COMMD1: variants seen among roughly 807,000 people sequenced by gnomAD.
COMMD1 encodes COMM domain-containing protein 1.
A neutral mutation model predicts 17.2 loss-of-function variants in COMMD1; 10 were observed. The ratio of observed to expected loss-of-function variants is 0.58; its 90% CI spans 0.36 to 0.99. The LOEUF is 0.99. COMMD1 is among the 50% of genes least tolerant of loss of function. The pLI is 0.01. For synonymous variants in COMMD1, 97 were observed against 91.6 expected (o/e 1.06, Z -0.34); for missense variants, 270 against 231.8 (o/e 1.17, Z -1.07).
intron 1 of COMMD1, among the ~76,000 whole-genome samples, chr2:61,934,992 C>G (rs1395696002): frequency 1.3e-5 from 2 of 152,170 alleles, no homozygotes. Flanking sequence ...AGGTTATTTC[C>G]TGGAGCAGAG....
chr2:62,110,567 G>A (rs918205433), intron 2 of COMMD1, among the ~76,000 whole-genome samples: 2 of 152,158 alleles, frequency 1.3e-5, no homozygotes, highest in African/African-American at 4.8e-5. Flanking sequence ...TCTGACAGAA[G>A]TGAAGAGTGA....
intron 2 of COMMD1, among the ~76,000 whole-genome samples, chr2:62,116,915 A>G (rs1025909086): frequency 1.3e-5 from 2 of 151,672 alleles, no homozygotes; most frequent in African/African-American, 4.9e-5. Context: ...GAATCACTTG[A>G]ACCCAGGAGG....
chr2:61,945,503 CA>C (rs983390490), intron 1 of COMMD1, among the ~76,000 whole-genome samples: 2 of 152,162 alleles, frequency 1.3e-5, no homozygotes, highest in African/African-American at 2.4e-5. Context: ...TGTCAAAGGT[CA>C]GGGGCACTTG....
At chr2:62,097,067 A>C (rs1481774798) in intron 2 of COMMD1, among the ~76,000 whole-genome samples, 1 of 152,250 alleles carries the variant, frequency 6.6e-6, no homozygotes, top group African/African-American at 2.4e-5. Context: ...TGCACTACAT[A>C]AATCAGTAAC....
intron 2 of COMMD1, among the ~76,000 whole-genome samples, chr2:62,116,126 C>T (rs960638356): frequency 1.3e-5 from 2 of 151,978 alleles, no homozygotes; most frequent in Admixed American, 6.6e-5. Flanking sequence ...GGATTACAGG[C>T]GTGAGCCACT....
At chr2:62,033,585 TA>T (rs569138796) in intron 2 of COMMD1, among the ~76,000 whole-genome samples, 3 of 148,130 alleles carry the variant, frequency 2.0e-5, no homozygotes, top group East Asian at 2.0e-4. Flanking sequence ...TCTGTAAAAT[TA>T]AAAAAAAAAT....
At chr2:61,973,456 G>A (rs1671704933) in intron 1 of COMMD1, among the ~76,000 whole-genome samples, 1 of 152,158 alleles carries the variant, frequency 6.6e-6, no homozygotes, top group Non-Finnish European at 1.5e-5. Context: ...TATAATGGAA[G>A]GGAAATGGTA....
intron 1 of COMMD1, among the ~76,000 whole-genome samples, chr2:61,969,894 TG>T: frequency 1.3e-5 from 2 of 152,072 alleles, no homozygotes; most frequent in East Asian, 3.8e-4. Flanking sequence ...TCCAGCAATA[TG>T]TTTTTTTTCT....
chr2:62,083,431 G>A (rs1324107600), intron 2 of COMMD1, among the ~76,000 whole-genome samples: 1 of 152,348 alleles, frequency 6.6e-6, no homozygotes, highest in East Asian at 1.9e-4. Context: ...TGAAGAAGAA[G>A]ATAGGAGCAA....
chr2:62,096,197 C>T (rs903665720), intron 2 of COMMD1, among the ~76,000 whole-genome samples: 1 of 152,042 alleles, frequency 6.6e-6, no homozygotes, highest in African/African-American at 2.4e-5. Context: ...TGCACCGCTG[C>T]CTAGCAGCTT....
At chr2:61,962,883 G>T (rs146592391) in intron 1 of COMMD1, among the ~76,000 whole-genome samples, 1 of 152,000 alleles carries the variant, frequency 6.6e-6, no homozygotes, top group African/African-American at 2.4e-5. Flanking sequence ...TAATTGGGCC[G>T]GGTGTGGTAG....
intron 1 of COMMD1, among the ~76,000 whole-genome samples, chr2:61,950,716 A>G (rs1671029043): frequency 6.6e-6 from 1 of 152,232 alleles, no homozygotes; most frequent in Non-Finnish European, 1.5e-5. Flanking sequence ...CACTGAAATA[A>G]TTGACCTGAT....
chr2:62,087,940 T>G (rs1218399602), intron 2 of COMMD1, among the ~76,000 whole-genome samples: 1 of 152,212 alleles, frequency 6.6e-6, no homozygotes, highest in African/African-American at 2.4e-5. Flanking sequence ...TTCCATTTAC[T>G]CCTGAGTCTC....
At chr2:62,045,730 A>ATTTTTT (rs71410917) in intron 2 of COMMD1, among the ~76,000 whole-genome samples, 48 of 84,896 alleles carry the variant, frequency 5.7e-4, no homozygotes, top group Non-Finnish European at 7.0e-4. Context: ...TTTCAAGTTA[A>ATTTTTT]TTTTTTTTTT....
At chr2:62,128,907 A>C (rs1305788571) in intron 2 of COMMD1, among the ~76,000 whole-genome samples, 1 of 151,222 alleles carries the variant, frequency 6.6e-6, no homozygotes, top group East Asian at 1.9e-4. Flanking sequence ...AGCCGAGATC[A>C]CGCCACTGCA....
At position 62,005,729 on chromosome 2, in the gene COMMD1, A is replaced by T. The variant is rs555278283; in HGVS notation, c.462+4747A>T. Among the ~76,000 whole-genome samples, 70 of 152,070 alleles carry T rather than the reference A, an allele frequency of 4.6e-4. 1 individual carries two copies. Among genetic ancestry groups the T allele is most frequent in the African/African-American group, 1.6e-3 (66 of 41,524 alleles). The stretch of plus-strand genomic sequence containing the variant: ...GGAGAGGATGTGGAGAAATAGGAAC[A>T]CTTTTACACCGTTGGTGGGACTGTA... On this transcript the variant is annotated intron_variant, in intron 2 of 2. Coordinates refer to ENST00000311832, the MANE Select transcript of COMMD1 (RefSeq NM_152516.4).
At chr2:62,021,359 A>G (rs1408331453) in intron 2 of COMMD1, among the ~76,000 whole-genome samples, 1 of 151,296 alleles carries the variant, frequency 6.6e-6, no homozygotes, top group Admixed American at 6.6e-5. Context: ...ACTTGGCAAA[A>G]TGAGAGGTCT....
chr2:62,120,319 C>A (rs958455354), intron 2 of COMMD1, among the ~76,000 whole-genome samples: 1 of 143,292 alleles, frequency 7.0e-6, no homozygotes, highest in Non-Finnish European at 1.5e-5. Flanking sequence ...TTTTTTTTTT[C>A]TTCAATTCCT....
At chr2:61,961,797 T>C (rs1671350172) in intron 1 of COMMD1, among the ~76,000 whole-genome samples, 1 of 152,194 alleles carries the variant, frequency 6.6e-6, no homozygotes, top group South Asian at 2.1e-4. Context: ...CCCTGCTGTG[T>C]TAATTTTTCA....
Sources: gnomAD v4.1 joint callset for allele counts (sites outside exome capture counted in the v4.1 genomes callset) on GRCh38, gnomAD v4.1.1 for gene constraint, MANE v1.5 for transcripts, NCBI Gene and HGNC (gene_info 2026-07-23, HGNC 2026-07-21) for gene names.